MTMR9: variants seen among roughly 807,000 people sequenced by gnomAD.
The protein encoded by MTMR9 is myotubularin-related protein 9.
In MTMR9, 39 loss-of-function variants were observed where a neutral mutation model predicts 69.5. The ratio of observed to expected loss-of-function variants is 0.56; its 90% CI spans 0.43 to 0.73. MTMR9 has a LOEUF of 0.73. MTMR9 is among the 30% of genes least tolerant of loss of function. MTMR9 has a pLI of 0.00. For missense variants in MTMR9, 900 were observed against 671.2 expected, an observed-to-expected ratio of 1.34 and a Z score of -3.77; for synonymous variants, 354 against 240.8, an observed-to-expected ratio of 1.47 and a Z score of -4.35.
chr8:11,331,015 C>G, downstream of MTMR9: 3 of 1,502,582 alleles, frequency 2.0e-6, no homozygotes, highest in Non-Finnish European at 2.7e-6. Flanking sequence ...CAGGGAAGAA[C>G]CCCACCCGCA....
At chr8:11,290,302 A>G (rs1799335931) in intron 1 of MTMR9, among the ~76,000 whole-genome samples, 1 of 151,316 alleles carries the variant, frequency 6.6e-6, no homozygotes, top group Non-Finnish European at 1.5e-5. Flanking sequence ...ACTTTTAAAC[A>G]TTGGGTTTAT....
At chr8:11,316,930 C>T (rs369683302) in intron 8 of MTMR9, 37 bp downstream of exon 8, 9 of 1,429,546 alleles carry the variant, frequency 6.3e-6, no homozygotes, top group South Asian at 5.8e-5. Context: ...TTTCCTTTTC[C>T]GTTGTTTTGG....
downstream of MTMR9, chr8:11,332,018 T>G: frequency 6.2e-7 from 1 of 1,611,896 alleles, no homozygotes; most frequent in South Asian, 1.1e-5. Flanking sequence ...TCCATGAGAC[T>G]GTGGCACTTT....
At chr8:11,312,887 G>C (rs547910152) in intron 6 of MTMR9, among the ~76,000 whole-genome samples, 85 of 152,302 alleles carry the variant, frequency 5.6e-4, no homozygotes, top group African/African-American at 1.6e-3. Context: ...CTCTCCATCA[G>C]AGCTCTTAAG....
At chr8:11,287,799 ATAT>A (rs1264924978) in intron 1 of MTMR9, among the ~76,000 whole-genome samples, 11 of 26,078 alleles carry the variant, frequency 4.2e-4, no homozygotes, top group Non-Finnish European at 3.0e-4. Context: ...TATATAATAC[ATAT>A]TATATAATAC....
chr8:11,315,361 G>A (rs970470322), intron 7 of MTMR9, among the ~76,000 whole-genome samples: 1 of 152,152 alleles, frequency 6.6e-6, no homozygotes, highest in Non-Finnish European at 1.5e-5. Flanking sequence ...GGGTCTTGAC[G>A]GATCAAAGAC....
At chr8:11,289,988 G>C (rs1799322267) in intron 1 of MTMR9, among the ~76,000 whole-genome samples, 2 of 152,140 alleles carry the variant, frequency 1.3e-5, no homozygotes, top group Non-Finnish European at 2.9e-5. Context: ...ACTGCCCCTA[G>C]GATGGGATGG....
chr8:11,322,478 T>A (rs1800738629), intron 9 of MTMR9, 147 bp from the exon 10 acceptor site: 1 of 607,672 alleles, frequency 1.6e-6, no homozygotes. Context: ...CCTGTATATT[T>A]TAGAGTATAA....
At chr8:11,291,452 A>T (rs1295739254) in intron 1 of MTMR9, among the ~76,000 whole-genome samples, 1 of 152,162 alleles carries the variant, frequency 6.6e-6, no homozygotes, top group African/African-American at 2.4e-5. Context: ...GGATGGGACA[A>T]TAAGGACAAA....
intron 1 of MTMR9, chr8:11,294,981 C>T: frequency 6.0e-6 from 2 of 334,892 alleles, no homozygotes. Flanking sequence ...ATGTGAATTA[C>T]TTTATATATT....
rs376230101 is a variant in MTMR9 at position 11,308,882 on chromosome 8, C to G, written c.810-645C>G. 2.0e-5 allele frequency among the ~76,000 whole-genome samples: 3 copies of G among 152,314 alleles called. No homozygotes were observed. The East Asian group carries it at 5.8e-4, about 29-fold the overall frequency. On this transcript the variant is annotated intron_variant, in intron 5 of 9. Transcript: ENST00000221086. The stretch of plus-strand genomic sequence containing the variant: ...TTTCACTAGCATTCTTTCTCTAAGC[C>G]AACCCTGTGGTCTCATCACCACAAG...
chr8:11,293,477 A>G (rs181038885), intron 1 of MTMR9, among the ~76,000 whole-genome samples: 49 of 152,348 alleles, frequency 3.2e-4, no homozygotes, highest in East Asian at 2.5e-3. Context: ...GAAGTCCTCA[A>G]TAGCCTACAG....
chr8:11,291,069 G>A (rs1285137698), intron 1 of MTMR9, among the ~76,000 whole-genome samples: 2 of 152,044 alleles, frequency 1.3e-5, no homozygotes, highest in African/African-American at 2.4e-5. Flanking sequence ...TAACTGTAGT[G>A]TAATCAAAAT....
chr8:11,289,225 A>G (rs1173388209), intron 1 of MTMR9, among the ~76,000 whole-genome samples: 1 of 152,160 alleles, frequency 6.6e-6, no homozygotes, highest in East Asian at 1.9e-4. Context: ...AAGGAATCTG[A>G]TTTGGGATGT....
chr8:11,293,522 A>G (rs1799439347), intron 1 of MTMR9, among the ~76,000 whole-genome samples: 2 of 152,170 alleles, frequency 1.3e-5, no homozygotes, highest in Admixed American at 1.3e-4. Context: ...ATGCTCTTTA[A>G]CCCTGTGTTT....
At chr8:11,289,316 T>C (rs1239154239) in intron 1 of MTMR9, among the ~76,000 whole-genome samples, 2 of 152,248 alleles carry the variant, frequency 1.3e-5, no homozygotes, top group African/African-American at 2.4e-5. Context: ...CTCCTTCAGT[T>C]CTGCCTCTTA....
At chr8:11,301,968 T>G (rs142207635) in intron 3 of MTMR9, among the ~76,000 whole-genome samples, 1 of 152,044 alleles carries the variant, frequency 6.6e-6, no homozygotes, top group African/African-American at 2.4e-5. Context: ...GGATAAAAGA[T>G]GATAGAGGCT....
intron 8 of MTMR9, 66 bp downstream of exon 8, chr8:11,316,959 G>A: frequency 9.5e-6 from 10 of 1,051,202 alleles, no homozygotes; most frequent in African/African-American, 1.6e-5. Flanking sequence ...TAAGTAGCCA[G>A]AATCTCCTAG....
In MTMR9 at chr8:11,314,918, A is replaced by G. The variant is rs769181904; in HGVS notation, c.972-5A>G. The G allele has an allele frequency of 7.4e-6, 12 of 1,612,886 alleles. No homozygotes were observed. The highest frequency in any genetic ancestry group is 1.1e-5 in the South Asian group (1 of 91,048). On this transcript the variant is annotated splice_polypyrimidine_tract_variant and splice_region_variant and intron_variant, in intron 6 of 9. Coordinates refer to ENST00000221086, the MANE Select transcript of MTMR9 (RefSeq NM_015458.4). Reference sequence around the variant, plus strand: ...ATTTGTACTCTTCCCTGATTTTCCTATCAGGGAAGGAGCATCAATATTGAT... The same window carrying G: ...ATTTGTACTCTTCCCTGATTTTCCTGTCAGGGAAGGAGCATCAATATTGAT...
Sources: gnomAD v4.1 joint callset for allele counts (sites outside exome capture counted in the v4.1 genomes callset) on GRCh38, gnomAD v4.1.1 for gene constraint, MANE v1.5 for transcripts, NCBI Gene and HGNC (gene_info 2026-07-23, HGNC 2026-07-21) for gene names.